The following AAK1 variants were observed in gnomAD, a reference collection of about 807,000 sequenced individuals.
AAK1 encodes the protein AP2-associated protein kinase 1.
In AAK1, 37 loss-of-function variants were observed where a neutral mutation model predicts 116.0. That is an observed-to-expected ratio of 0.32 (90% CI 0.25 to 0.42). The LOEUF (loss-of-function observed/expected upper bound fraction) is 0.42, where lower values mean the gene tolerates loss of function less well. Ranked by LOEUF, AAK1 falls within the 10% of genes least tolerant of loss-of-function variation. AAK1 has a pLI of 1.00. For synonymous variants in AAK1, 458 were observed against 439.9 expected (o/e 1.04, Z -0.51); for missense variants, 919 against 1,170.6 (o/e 0.79, Z 3.14).
intron 2 of AAK1, among the ~76,000 whole-genome samples, chr2:69,567,758 C>A (rs997357416): frequency 3.3e-5 from 5 of 152,110 alleles, no homozygotes; most frequent in East Asian, 3.8e-4. Context: ...AACCCTTCAC[C>A]CCAGGGCAAG....
In AAK1 at chr2:69,482,716, A is replaced by G; in HGVS notation, c.2462T>C (p.Val821Ala). The G allele has an allele frequency of 6.2e-7, 1 of 1,604,306 alleles. No homozygotes were observed. The highest frequency in any genetic ancestry group is 1.1e-5 in the South Asian group (1 of 90,852). The change falls in exon 18 of 22, where the codon GTA (valine) becomes GCA (alanine). Residue 821 changes from valine to alanine, a missense_variant. Val to Ala is a moderately conservative substitution (Grantham distance 64). This residue lies in a region of AAK1 where 263 missense variants were observed against 285.5 expected (regional missense o/e 0.92). Coordinates refer to ENST00000409085, the MANE Select transcript of AAK1 (RefSeq NM_014911.5). ...AACAGAGATGATGACTTTACCAATTACAGCATCAGAAGTGCTACCAAAAGG... is the reference window on the plus strand; with the variant it reads ...AACAGAGATGATGACTTTACCAATTGCAGCATCAGAAGTGCTACCAAAAGG... ...TDPFGSTSDA[V>A]IEKADVAVES...
At chr2:69,541,994 A>G (rs534557179) in intron 5 of AAK1, among the ~76,000 whole-genome samples, 1 of 152,362 alleles carries the variant, frequency 6.6e-6, no homozygotes, top group Non-Finnish European at 1.5e-5. Context: ...GACACTGTAC[A>G]TAAAACGTAG....
At chr2:69,627,204 G>A (rs931096033) in intron 2 of AAK1, among the ~76,000 whole-genome samples, 9 of 151,420 alleles carry the variant, frequency 5.9e-5, no homozygotes, top group African/African-American at 9.7e-5. Flanking sequence ...CAGGAGAATC[G>A]CTTGAACCCA....
At chr2:69,600,390 C>A (rs1673522579) in intron 2 of AAK1, among the ~76,000 whole-genome samples, 1 of 151,148 alleles carries the variant, frequency 6.6e-6, no homozygotes, top group African/African-American at 2.4e-5. Flanking sequence ...GTCAAAATAC[C>A]AACATTAATA....
intron 16 of AAK1, among the ~76,000 whole-genome samples, chr2:69,502,074 T>G (rs1675999739): frequency 6.6e-6 from 1 of 151,736 alleles, no homozygotes; most frequent in Non-Finnish European, 1.5e-5. Context: ...TCTCTGAAAA[T>G]ATAATAAAAC....
intron 6 of AAK1, among the ~76,000 whole-genome samples, 168 bp from the exon 7 acceptor site, chr2:69,530,874 C>A (rs545494902): frequency 2.6e-5 from 4 of 152,268 alleles, no homozygotes; most frequent in Admixed American, 2.6e-4. Context: ...GTCCTTGGTA[C>A]AATCATATCA....
chr2:69,601,835 A>G (rs114980153), intron 2 of AAK1, among the ~76,000 whole-genome samples: 2,010 of 152,332 alleles, frequency 0.013, 45 homozygotes, highest in African/African-American at 0.046. Flanking sequence ...TTGATAAGGA[A>G]GAGGATTTAT....
chr2:69,528,617 G>C (rs997467923), intron 8 of AAK1, among the ~76,000 whole-genome samples: 3 of 152,142 alleles, frequency 2.0e-5, no homozygotes, highest in African/African-American at 7.2e-5. Context: ...ACCACTGAGA[G>C]AAACTGAAAA....
At chr2:69,641,699 A>C (rs1246076206) in intron 2 of AAK1, among the ~76,000 whole-genome samples, 2 of 152,102 alleles carry the variant, frequency 1.3e-5, no homozygotes, top group African/African-American at 4.8e-5. Context: ...AACATCCACC[A>C]TGGTAAGCAT....
Position 69,463,975 on chromosome 2 carries a change from T to C in AAK1, c.*11894A>G, listed in dbSNP as rs1179106820. 1 of 152,464 alleles carries C rather than the reference T, an allele frequency of 6.6e-6. No homozygotes were observed. Among genetic ancestry groups the C allele is most frequent in the Non-Finnish European group, 1.5e-5 (1 of 67,980 alleles). 9.4% of individuals were successfully genotyped at this position (152,464 alleles called of 1,614,324 possible). A position where few individuals can be genotyped will look rare whatever the true frequency, so the allele number is the denominator to read the frequency against. ...CAGCTTTATTTTAAGGCACTAATAA[T>C]AAAGGGTATGAAAAAAGCTAGGAAT... On this transcript the variant is annotated 3_prime_UTR_variant, in exon 22 of 22. Transcript: ENST00000409085.
intron 2 of AAK1, among the ~76,000 whole-genome samples, chr2:69,632,433 C>A (rs903717536): frequency 1.3e-5 from 2 of 152,202 alleles, no homozygotes; most frequent in African/African-American, 4.8e-5. Context: ...GTGCACAAGA[C>A]AGCCCTCCAC....
rs951788614 is a variant in AAK1 at position 69,468,105 on chromosome 2, G to C, written c.*7764C>G. Reference sequence around the variant, plus strand: ...AATGGCTTTCAGAATAGTATTTGAAGAATAAGATTTTGAAAAGAATAAATT... The same window carrying C: ...AATGGCTTTCAGAATAGTATTTGAACAATAAGATTTTGAAAAGAATAAATT... On this transcript the variant is annotated 3_prime_UTR_variant, in exon 22 of 22. Coordinates refer to ENST00000409085, the MANE Select transcript of AAK1 (RefSeq NM_014911.5). 7.1e-6 allele frequency: 7 copies of C among 985,250 alleles called. No individual in the cohort carries two copies. The highest frequency in any genetic ancestry group is 8.4e-6 in the Non-Finnish European group (7 of 829,816). The allele number at this position is 985,250 out of a possible 1,614,324, so 61.0% of individuals were successfully genotyped here. A position where few individuals can be genotyped will look rare whatever the true frequency, so the allele number is the denominator to read the frequency against.
chr2:69,590,017 A>G (rs1413889174), intron 2 of AAK1, among the ~76,000 whole-genome samples: 2 of 152,182 alleles, frequency 1.3e-5, no homozygotes, highest in Admixed American at 6.5e-5. Flanking sequence ...GCCAGGGAAT[A>G]AGTCAAAAAA....
Position 69,556,850 on chromosome 2 carries a change from G to A in AAK1, c.282+10C>T, listed in dbSNP as rs1484751836. The A allele has an allele frequency of 1.3e-6, 2 of 1,594,938 alleles. No individual in the cohort carries two copies. The highest frequency in any genetic ancestry group is 1.7e-5 in the Admixed American group (1 of 59,924). On this transcript the variant is annotated intron_variant, in intron 3 of 21. Transcript: ENST00000409085. ...TTTTAAACAGTCCCAAGTCCAAGGG[G>A]CAGCCTTACCATTATCTGGATTTCT...
intron 16 of AAK1, among the ~76,000 whole-genome samples, chr2:69,503,178 TAATAAG>T (rs1471136296): frequency 1.3e-5 from 2 of 152,164 alleles, no homozygotes; most frequent in African/African-American, 2.4e-5. Flanking sequence ...AATATCCAGA[TAATAAG>T]AATAAGAGAG....
chr2:69,614,577 C>G (rs1253071985), intron 2 of AAK1, among the ~76,000 whole-genome samples: 1 of 152,156 alleles, frequency 6.6e-6, no homozygotes, highest in Non-Finnish European at 1.5e-5. Context: ...AAAACCTTTG[C>G]TCCCAACACC....
At chr2:69,516,921 G>A (rs376944650) in intron 12 of AAK1, 16 of 152,340 alleles carry the variant, frequency 1.1e-4, no homozygotes, top group African/African-American at 3.9e-4. Flanking sequence ...AGTAGCCTAA[G>A]GAGGGTTGAA....
At position 69,460,131 on chromosome 2, in the gene AAK1, C is replaced by A. The variant is rs1274379601; in HGVS notation, c.*15738G>T. 6.6e-6 allele frequency: 1 copy of A among 152,404 alleles called. No individual in the cohort carries two copies. The highest frequency in any genetic ancestry group is 2.4e-5 in the African/African-American group (1 of 41,388). The allele number at this position is 152,404 out of a possible 1,614,324, so 9.4% of individuals were successfully genotyped here. On this transcript the variant is annotated 3_prime_UTR_variant, in exon 22 of 22. Transcript: ENST00000409085. Reference sequence around the variant, plus strand: ...CAGTCCCACATTTCTCGGATAAAACCACATCTGTGGTTTTATCCAGCAACC... The same window carrying A: ...CAGTCCCACATTTCTCGGATAAAACAACATCTGTGGTTTTATCCAGCAACC...
chr2:69,615,164 G>A (rs1352720478), intron 2 of AAK1, among the ~76,000 whole-genome samples: 5 of 152,096 alleles, frequency 3.3e-5, no homozygotes, highest in African/African-American at 1.2e-4. Flanking sequence ...CACTTACATA[G>A]TCTACCAAGG....
Sources: allele counts gnomAD v4.1 joint callset (sites outside exome capture counted in the v4.1 genomes callset), GRCh38; gene constraint gnomAD v4.1.1; regional missense constraint gnomAD v4.1.1; transcripts MANE v1.5; gene names NCBI Gene and HGNC (gene_info 2026-07-23, HGNC 2026-07-21).